Variants in GAD2 observed in about 807,000 individuals in gnomAD.
The protein encoded by GAD2 is glutamate decarboxylase 2, also known as 65 kDa glutamic acid decarboxylase.
GAD2 carries 22 observed loss-of-function variants against 80.1 expected under a neutral mutation model. The observed-to-expected ratio is 0.27, with a 90% confidence interval of 0.20 to 0.39. The LOEUF is 0.39. Among genes scored for constraint, GAD2 ranks in the 10% least tolerant of loss-of-function variants. The pLI is 1.00. For synonymous variants in GAD2, 274 were observed against 256.9 expected, an observed-to-expected ratio of 1.07 and a Z score of -0.64; for missense variants, 624 against 738.4, an observed-to-expected ratio of 0.85 and a Z score of 1.80.
At chr10:26,218,345 T>G in intron 3 of GAD2, 2 of 224,384 alleles carry the variant, frequency 8.9e-6, no homozygotes, top group Admixed American at 5.6e-5. Context: ...AGTTTCCAAA[T>G]ACCGTGCCCG....
intron 7 of GAD2, among the ~76,000 whole-genome samples, chr10:26,232,686 A>G (rs1201207189): frequency 1.3e-5 from 2 of 151,996 alleles, no homozygotes; most frequent in Non-Finnish European, 2.9e-5. Context: ...TATTTTTAGT[A>G]GAGACAGGGT....
At position 26,279,459 on chromosome 10, in the gene GAD2, C is replaced by T. The variant is rs182193884; in HGVS notation, c.1158-1550C>T. On this transcript the variant is annotated intron_variant, in intron 11 of 15. Coordinates refer to ENST00000376261, the MANE Select transcript of GAD2 (RefSeq NM_001134366.2). ...CAAGACCTAAGGCGTAGCTGGGGCT[C>T]ACCCCAGGGGCTGCAGGAGCCGTAC... 1.5e-4 allele frequency among the ~76,000 whole-genome samples: 23 copies of T among 152,236 alleles called. No homozygotes were observed. The East Asian group carries it at 4.2e-3, about 28-fold the overall frequency.
rs554706175 is a variant in GAD2, at chr10:26,217,941, C to T, written c.236C>T (p.Pro79Leu). Residue 79 changes from proline to leucine, a missense_variant, in exon 3 of 16, where the codon CCC (proline) becomes CTC (leucine). Coordinates refer to ENST00000376261, the MANE Select transcript of GAD2 (RefSeq NM_001134366.2). This position sits in a 1 kb window ranked among gnomAD's most constrained non-coding sequence, Gnocchi z 4.9. ...GCCGCCTGCGCCTGCGACCAGAAGCCCTGCAGCTGCTCCAAAGTGGATGTC... is the reference window on the plus strand; with the variant it reads ...GCCGCCTGCGCCTGCGACCAGAAGCTCTGCAGCTGCTCCAAAGTGGATGTC... ...RKAACACDQK[P>L]CSCSKVDVNY... 1.2e-6 allele frequency: 2 copies of T among 1,611,986 alleles called. No homozygotes were observed. The highest frequency in any genetic ancestry group is 2.2e-5 in the East Asian group (1 of 44,826).
In GAD2 at chr10:26,245,967, C is replaced by A. The variant is rs769617908; in HGVS notation, c.887C>A (p.Thr296Lys). The A allele has an allele frequency of 1.9e-6, 3 of 1,614,134 alleles. No individual in the cohort carries two copies. The highest frequency in any genetic ancestry group is 2.5e-6 in the Non-Finnish European group (3 of 1,179,998). Residue 296 changes from threonine to lysine, a missense_variant, in exon 8 of 16, where the codon ACA becomes AAA. Transcript: ENST00000376261. ...GGAGCTGCAGCCTTAGGGATTGGAA[C>A]AGACAGCGTGATTCTGATTAAATGT... is the stretch of plus-strand genomic sequence containing the variant. ...KKGAAALGIG[T>K]DSVILIKCDE...
At chr10:26,273,847 C>T (rs1845167146) in intron 11 of GAD2, 147 bp downstream of exon 11, 4 of 628,936 alleles carry the variant, frequency 6.4e-6, no homozygotes, top group Non-Finnish European at 8.3e-6. Context: ...TGGTATTACA[C>T]TCATGAATGT....
At chr10:26,296,689 G>A (rs1470972910) in intron 15 of GAD2, among the ~76,000 whole-genome samples, 1 of 152,128 alleles carries the variant, frequency 6.6e-6, no homozygotes, top group African/African-American at 2.4e-5. Flanking sequence ...CACCTCTTGT[G>A]TTTCTGGTTC....
chr10:26,277,925 C>A (rs1845229827), intron 11 of GAD2, among the ~76,000 whole-genome samples: 2 of 151,918 alleles, frequency 1.3e-5, no homozygotes. Context: ...CTCCAACTTA[C>A]ACAAACTGCA....
chr10:26,271,987 T>C (rs111874688), intron 10 of GAD2, among the ~76,000 whole-genome samples: 2,265 of 152,298 alleles, frequency 0.015, 63 homozygotes, highest in African/African-American at 0.05. Flanking sequence ...CTCGAACTCC[T>C]GACCTCAGGT....
rs890746956 is a variant in GAD2 at position 26,302,689 on chromosome 10, C to A, written c.*1728C>A. ...CATAGAGAAATGCCCTATAATATAA[C>A]CACAGGATCCAGCCATCTGAAATTT... is the stretch of plus-strand genomic sequence containing the variant. On this transcript the variant is annotated 3_prime_UTR_variant, in exon 16 of 16. Coordinates refer to ENST00000376261, the MANE Select transcript of GAD2 (RefSeq NM_001134366.2). 2.0e-5 allele frequency: 3 copies of A among 152,222 alleles called. No homozygotes were observed. Among genetic ancestry groups the A allele is most frequent in the Non-Finnish European group, 4.4e-5 (3 of 68,050 alleles). 9.4% of individuals were successfully genotyped at this position (152,222 alleles called of 1,614,324 possible).
chr10:26,268,455 C>G (rs368325277), intron 8 of GAD2, among the ~76,000 whole-genome samples: 6 of 136,626 alleles, frequency 4.4e-5, no homozygotes, highest in Admixed American at 7.4e-5. Flanking sequence ...GCGACAGAGC[C>G]AGACTCTGTC....
At chr10:26,264,484 AT>A (rs756887623) in intron 8 of GAD2, among the ~76,000 whole-genome samples, 1 of 151,610 alleles carries the variant, frequency 6.6e-6, no homozygotes, top group Non-Finnish European at 1.5e-5. Context: ...GATTTTTTGT[AT>A]TTTTTTAGTA....
chr10:26,240,055 C>T (rs543168568), intron 7 of GAD2, among the ~76,000 whole-genome samples: 23 of 152,228 alleles, frequency 1.5e-4, no homozygotes, highest in South Asian at 6.2e-4. Context: ...TCAGCAATGG[C>T]TTGAAATAAT....
chr10:26,301,226 C>T lies in GAD2; in HGVS notation c.*265C>T, dbSNP rs1395443170. The T allele has an allele frequency of 1.1e-5, 4 of 363,804 alleles. No homozygotes were observed. Among genetic ancestry groups the T allele is most frequent in the Non-Finnish European group, 2.1e-5 (4 of 194,878 alleles). 22.5% of individuals were successfully genotyped at this position (363,804 alleles called of 1,614,324 possible). A position where few individuals can be genotyped will look rare whatever the true frequency, so the allele number is the denominator to read the frequency against. ...AAAATTGTTATAAATACTTCCCTTA[C>T]TTTTAATATAGTGTGCAAAGCAAAC... On this transcript the variant is annotated 3_prime_UTR_variant, in exon 16 of 16. Coordinates refer to ENST00000376261, the MANE Select transcript of GAD2 (RefSeq NM_001134366.2).
chr10:26,282,143 A>G (rs982526987), intron 12 of GAD2, among the ~76,000 whole-genome samples: 5 of 151,994 alleles, frequency 3.3e-5, no homozygotes, highest in Non-Finnish European at 7.4e-5. Flanking sequence ...GGGTTTTCAC[A>G]TGTTGGCCAG....
At chr10:26,243,565 G>A (rs558275749) in intron 7 of GAD2, among the ~76,000 whole-genome samples, 1 of 152,346 alleles carries the variant, frequency 6.6e-6, no homozygotes, top group African/African-American at 2.4e-5. Flanking sequence ...AAATGGCACG[G>A]TGATTACAAC....
chr10:26,247,546 G>A (rs1844823877), intron 8 of GAD2, among the ~76,000 whole-genome samples: 1 of 152,116 alleles, frequency 6.6e-6, no homozygotes. Flanking sequence ...CCTTAGCAGA[G>A]GCATGGGGGA....
chr10:26,242,386 A>C (rs1844753913), intron 7 of GAD2, among the ~76,000 whole-genome samples: 1 of 152,000 alleles, frequency 6.6e-6, no homozygotes, highest in Non-Finnish European at 1.5e-5. Flanking sequence ...TTCTTCAGAC[A>C]CTCTTTTCCT....
At chr10:26,240,364 T>C (rs1300166599) in intron 7 of GAD2, among the ~76,000 whole-genome samples, 2 of 152,216 alleles carry the variant, frequency 1.3e-5, no homozygotes, top group African/African-American at 4.8e-5. Context: ...ATTTTTTTAA[T>C]TACAAATATT....
At chr10:26,229,526 T>G in intron 6 of GAD2, 136 bp from the exon 7 acceptor site, 1 of 626,692 alleles carries the variant, frequency 1.6e-6, no homozygotes, top group Non-Finnish European at 2.8e-6. Flanking sequence ...AGTCTGAGGA[T>G]TCAGTTTAAA....
Sources: allele counts gnomAD v4.1 joint callset (sites outside exome capture counted in the v4.1 genomes callset), GRCh38; gene constraint gnomAD v4.1.1; non-coding constraint Gnocchi (gnomAD v3.1); transcripts MANE v1.5; gene names NCBI Gene and HGNC (gene_info 2026-07-23, HGNC 2026-07-21).